Variants in ERICH6B observed in about 807,000 individuals in gnomAD.
ERICH6B encodes the protein glutamate rich 6B.
ERICH6B carries 69 observed loss-of-function variants against 80.0 expected under a neutral mutation model. That is an observed-to-expected ratio of 0.86 (90% CI 0.71 to 1.05). The LOEUF is 1.05. ERICH6B is among the 50% of genes least tolerant of loss of function. The pLI, the probability that ERICH6B is intolerant of heterozygous loss-of-function variation, is 0.00. For synonymous variants in ERICH6B, 283 were observed against 291.9 expected (o/e 0.97, Z 0.31); for missense variants, 754 against 796.1 (o/e 0.95, Z 0.64).
chr13:45,582,408 C>T (rs967614843), intron 5 of ERICH6B, among the ~76,000 whole-genome samples: 7 of 152,148 alleles, frequency 4.6e-5, no homozygotes, highest in African/African-American at 1.7e-4. Flanking sequence ...ACAGGGCTTC[C>T]TTACTCTGCA....
Position 45,607,571 on chromosome 13 carries a change from G to A in ERICH6B, c.-66C>T, listed in dbSNP as rs1949875414. The A allele has an allele frequency of 6.6e-6, 1 of 152,404 alleles. No homozygotes were observed. Among genetic ancestry groups the A allele is most frequent in the Non-Finnish European group, 1.5e-5 (1 of 68,014 alleles). 9.4% of individuals were successfully genotyped at this position (152,404 alleles called of 1,614,324 possible). On this transcript the variant is annotated 5_prime_UTR_variant, in exon 2 of 15. Transcript: ENST00000298738. ...TCCTGGCTGAGTACTTACAATGTCA[G>A]GGGGTAAACTGAGTCCAAGCCAAGA...
intron 5 of ERICH6B, among the ~76,000 whole-genome samples, chr13:45,585,113 A>G (rs1478017679): frequency 2.6e-5 from 4 of 152,172 alleles, no homozygotes; most frequent in East Asian, 3.9e-4. Flanking sequence ...TCATCAGAGT[A>G]TGCTTGTTTG....
At chr13:45,543,783 TG>T (rs1873881444) in intron 14 of ERICH6B, among the ~76,000 whole-genome samples, 1 of 152,172 alleles carries the variant, frequency 6.6e-6, no homozygotes, top group South Asian at 2.1e-4. Flanking sequence ...CCTGCCTGCC[TG>T]GGGAGTGTGC....
chr13:45,579,040 GA>G (rs1875542951), intron 7 of ERICH6B, among the ~76,000 whole-genome samples: 1 of 139,672 alleles, frequency 7.2e-6, no homozygotes, highest in Non-Finnish European at 1.6e-5. Flanking sequence ...CCTGTCTAAA[GA>G]AAAAAGAAAG....
In ERICH6B at chr13:45,546,520, T is replaced by C. The variant is rs116555407; in HGVS notation, c.1647-1535A>G. Among the ~76,000 whole-genome samples the C allele has an allele frequency of 5.4e-3, 815 of 152,302 alleles. 5 individuals carry two copies. The highest frequency in any genetic ancestry group is 0.019 in the African/African-American group (784 of 41,558). On this transcript the variant is annotated intron_variant, in intron 13 of 14. Coordinates refer to ENST00000298738, the MANE Select transcript of ERICH6B (RefSeq NM_182542.3). ...GAAAACAACCCTTGATATTGTTGCA[T>C]ACGTGACAGGCTTTGACGCCCGTAG...
At chr13:45,591,106 G>T (rs1248175242) in intron 3 of ERICH6B, among the ~76,000 whole-genome samples, 3 of 152,198 alleles carry the variant, frequency 2.0e-5, no homozygotes, top group Non-Finnish European at 2.9e-5. Flanking sequence ...TGCCTTGAAT[G>T]ATATGGCATA....
At chr13:45,556,434 G>A (rs970550242) in intron 11 of ERICH6B, among the ~76,000 whole-genome samples, 5 of 152,292 alleles carry the variant, frequency 3.3e-5, no homozygotes, top group African/African-American at 1.2e-4. Context: ...TTGGGGAACA[G>A]GTGGTATTTG....
intron 1 of ERICH6B, among the ~76,000 whole-genome samples, chr13:45,614,641 G>A (rs1161416040): frequency 6.6e-6 from 1 of 152,220 alleles, no homozygotes; most frequent in Admixed American, 6.5e-5. Context: ...CTTTCACTGG[G>A]CTTCTCCCAG....
chr13:45,556,068 A>G (rs192070469), intron 11 of ERICH6B, among the ~76,000 whole-genome samples: 1 of 150,308 alleles, frequency 6.7e-6, no homozygotes, highest in East Asian at 2.0e-4. Flanking sequence ...TTCCCTGATT[A>G]CTCTATAGGC....
chr13:45,557,833 G>A (rs1874503667), intron 11 of ERICH6B, among the ~76,000 whole-genome samples: 1 of 152,108 alleles, frequency 6.6e-6, no homozygotes, highest in African/African-American at 2.4e-5. Flanking sequence ...GGTGACTATG[G>A]CCTCATAGTA....
intron 2 of ERICH6B, among the ~76,000 whole-genome samples, chr13:45,606,113 T>G (rs1295765150): frequency 6.6e-6 from 1 of 152,196 alleles, no homozygotes; most frequent in Non-Finnish European, 1.5e-5. Context: ...TCATGAAAAT[T>G]ATTTAAAAGA....
At chr13:45,542,413 C>T (rs776242954) in intron 14 of ERICH6B, among the ~76,000 whole-genome samples, 4 of 152,198 alleles carry the variant, frequency 2.6e-5, no homozygotes, top group African/African-American at 7.2e-5. Flanking sequence ...CTACTGCCCA[C>T]GTGGGCTGAC....
In ERICH6B at chr13:45,555,889, C is replaced by T. The variant is rs1874415816; in HGVS notation, c.1407+5480G>A. On this transcript the variant is annotated intron_variant, in intron 11 of 14. Transcript: ENST00000298738. Reference sequence around the variant, plus strand: ...GCTCTATTTGACTTGGGCACCCAAGCTAATTTCCTATTTCTTTCCCACTTG... The same window carrying T: ...GCTCTATTTGACTTGGGCACCCAAGTTAATTTCCTATTTCTTTCCCACTTG... Among the ~76,000 whole-genome samples, 3 of 151,222 alleles carry T rather than the reference C, an allele frequency of 2.0e-5. No individual in the cohort carries two copies. In the South Asian group the frequency reaches 6.4e-4, roughly 32 times the overall value.
At chr13:45,605,199 C>T (rs1043474128) in intron 2 of ERICH6B, among the ~76,000 whole-genome samples, 2 of 152,112 alleles carry the variant, frequency 1.3e-5, no homozygotes, top group Non-Finnish European at 2.9e-5. Flanking sequence ...AGGTGCAGTG[C>T]CCCCACCTCA....
chr13:45,559,238 T>C (rs1329312344), intron 11 of ERICH6B, among the ~76,000 whole-genome samples: 1 of 152,322 alleles, frequency 6.6e-6, no homozygotes, highest in Non-Finnish European at 1.5e-5. Context: ...TTCTGTGGTG[T>C]CAGTTGTAAT....
intron 14 of ERICH6B, 93 bp from the exon 15 acceptor site, chr13:45,541,773 C>T (rs2985996): frequency 0.45 from 525,493 of 1,159,652 alleles, 126,043 homozygotes; most frequent in African/African-American, 0.72. Flanking sequence ...CAGGACCAAG[C>T]GTTCCCTGAG....
chr13:45,586,247 A>G (rs1165547305), intron 5 of ERICH6B, among the ~76,000 whole-genome samples: 1 of 151,910 alleles, frequency 6.6e-6, no homozygotes, highest in Non-Finnish European at 1.5e-5. Context: ...CTGGCTCCTA[A>G]TTTCATTTAA....
intron 2 of ERICH6B, among the ~76,000 whole-genome samples, chr13:45,604,760 A>T (rs985015964): frequency 4.6e-5 from 7 of 151,572 alleles, no homozygotes; most frequent in African/African-American, 1.5e-4. Context: ...CCCTATCTCT[A>T]AAAAAAACCT....
chr13:45,570,736 A>G (rs1875120937), intron 8 of ERICH6B, among the ~76,000 whole-genome samples: 1 of 152,120 alleles, frequency 6.6e-6, no homozygotes, highest in African/African-American at 2.4e-5. Flanking sequence ...TTGCAGCTGC[A>G]GGTTCCGTGT....
Sources: allele counts gnomAD v4.1 joint callset (sites outside exome capture counted in the v4.1 genomes callset), GRCh38; gene constraint gnomAD v4.1.1; transcripts MANE v1.5; gene names NCBI Gene and HGNC (gene_info 2026-07-23, HGNC 2026-07-21).